The following GSTZ1 variants were observed in gnomAD, a reference collection of about 807,000 sequenced individuals.
GSTZ1 encodes the protein maleylacetoacetate isomerase.
Under a neutral mutation model 35.9 loss-of-function variants are expected in GSTZ1, and 34 were observed. That is an observed-to-expected ratio of 0.95 (90% CI 0.72 to 1.26). GSTZ1 has a LOEUF of 1.26. GSTZ1 is among the 50% of genes most tolerant of loss of function. GSTZ1 has a pLI of 0.00. For synonymous variants in GSTZ1, 93 were observed against 101.2 expected (o/e 0.92, Z 0.49); for missense variants, 263 against 271.7 (o/e 0.97, Z 0.23).
rs1892499372 is a variant in GSTZ1 at position 77,329,418 on chromosome 14, A to G, written c.421+217A>G. The G allele has an allele frequency of 8.3e-6, 5 of 601,024 alleles. No homozygotes were observed. In the Admixed American group the frequency reaches 1.2e-4, roughly 14 times the overall value. 37.2% of individuals were successfully genotyped at this position (601,024 alleles called of 1,614,324 possible). On this transcript the variant is annotated intron_variant, in intron 6 of 8. Transcript: ENST00000216465. ...TCGGTCCCTGAGCCCACAGCCCTTC[A>G]TAGCTGGATGGCCCAACTTCAGCTT... is the stretch of plus-strand genomic sequence containing the variant.
At chr14:77,324,234 T>G in intron 1 of GSTZ1, 1 of 227,734 alleles carries the variant, frequency 4.4e-6, no homozygotes, top group South Asian at 6.7e-5. Flanking sequence ...CCTCCACCTC[T>G]CAGGTTCAAG....
intron 1 of GSTZ1, chr14:77,322,729 A>G (rs1209843302): frequency 1.0e-5 from 10 of 985,242 alleles, no homozygotes; most frequent in Non-Finnish European, 1.2e-5. Context: ...TTTCTCCACA[A>G]AAGGTACCTT....
At chr14:77,326,571 A>C in intron 2 of GSTZ1, 1 of 434,966 alleles carries the variant, frequency 2.3e-6, no homozygotes. Flanking sequence ...TCCAGGGGGC[A>C]TGAGGGCCCC....
intron 8 of GSTZ1, among the ~76,000 whole-genome samples, chr14:77,330,703 G>A (rs777296768): frequency 1.3e-5 from 2 of 152,114 alleles, no homozygotes; most frequent in Non-Finnish European, 2.9e-5. Context: ...GAACCCTTTG[G>A]TAGGGCACAA....
Position 77,329,775 on chromosome 14 carries a change from A to T in GSTZ1, c.442A>T (p.Ser148Cys). 6.2e-7 allele frequency: 1 copy of T among 1,613,794 alleles called. No homozygotes were observed. Among genetic ancestry groups the T allele is most frequent in the Non-Finnish European group, 8.5e-7 (1 of 1,179,724 alleles). ...GFNALEQILQ[S>C]TAGIYCVGDE... ...CACAGCCCTGGAGCAGATCCTACAG[A>T]GCACAGCGGGCATATACTGTGTAGG... is the stretch of plus-strand genomic sequence containing the variant. The change falls in exon 7 of 9, where the codon AGC becomes TGC. Residue 148 changes from serine to cysteine, a missense_variant. By Grantham distance (112) the Ser-to-Cys change is moderately radical (BLOSUM62 -1). Transcript: ENST00000216465.
In GSTZ1 at chr14:77,329,750, C is replaced by T. The variant is rs1273639834; in HGVS notation, c.422-5C>T. 11 of 1,612,762 alleles carry T rather than the reference C, an allele frequency of 6.8e-6. No individual in the cohort carries two copies. The highest frequency in any genetic ancestry group is 1.3e-5 in the African/African-American group (1 of 74,894). On this transcript the variant is annotated splice_polypyrimidine_tract_variant and splice_region_variant and intron_variant, in intron 6 of 8. Coordinates refer to ENST00000216465, the MANE Select transcript of GSTZ1 (RefSeq NM_145870.3). Reference sequence around the variant, plus strand: ...GAATAAGATGTTTATGTGGCCTCCCCACAGCCCTGGAGCAGATCCTACAGA... The same window carrying T: ...GAATAAGATGTTTATGTGGCCTCCCTACAGCCCTGGAGCAGATCCTACAGA...
At chr14:77,321,827 G>C (rs1256778203) in intron 1 of GSTZ1, among the ~76,000 whole-genome samples, 1 of 151,472 alleles carries the variant, frequency 6.6e-6, no homozygotes, top group African/African-American at 2.4e-5. Flanking sequence ...AGCTTGCAGT[G>C]AGCCGAGATC....
In GSTZ1 at chr14:77,321,379, A is replaced by G. The variant is rs1229872441; in HGVS notation, c.15+196A>G. On this transcript the variant is annotated intron_variant, in intron 1 of 8. Coordinates refer to ENST00000216465, the MANE Select transcript of GSTZ1 (RefSeq NM_145870.3). ...CTCGAAGTTCCGGGAGGGTTGGGCC[A>G]GAGGAGGCGGTCCTGGTAGGGAGTG... The G allele has an allele frequency of 3.3e-6, 5 of 1,530,340 alleles. No individual in the cohort carries two copies. The African/African-American group carries it at 5.5e-5, about 17-fold the overall frequency. 94.8% of individuals were successfully genotyped at this position (1,530,340 alleles called of 1,614,324 possible).
intron 3 of GSTZ1, chr14:77,327,117 C>G (rs1262753090): frequency 6.7e-6 from 4 of 599,800 alleles, no homozygotes; most frequent in Non-Finnish European, 1.2e-5. Context: ...GACTGTGTAC[C>G]CTAGCCTGGG....
intron 1 of GSTZ1, chr14:77,321,421 C>T (rs1436297189): frequency 1.3e-6 from 2 of 1,527,038 alleles, no homozygotes; most frequent in Admixed American, 2.0e-5. Context: ...AGGGTGGAGT[C>T]GCTGTCCGGT....
At chr14:77,322,049 G>C (rs1172431935) in intron 1 of GSTZ1, among the ~76,000 whole-genome samples, 1 of 152,150 alleles carries the variant, frequency 6.6e-6, no homozygotes, top group Non-Finnish European at 1.5e-5. Flanking sequence ...GGTCTAGATG[G>C]TTCTTAACGT....
In GSTZ1 at chr14:77,331,158, G is replaced by T; in HGVS notation, c.614G>T (p.Cys205Phe). Reference sequence around the variant, plus strand: ...GAGGCCTTCCAGGTGTCTCACCCCTGCCGGCAGCCAGATACACCCACTGAG... The same window carrying T: ...GAGGCCTTCCAGGTGTCTCACCCCTTCCGGCAGCCAGATACACCCACTGAG... ...VLEAFQVSHP[C>F]RQPDTPTELR... is the part of the protein sequence containing the mutation. The change falls in exon 9 of 9, where the codon TGC becomes TTC. Residue 205 changes from cysteine (C) to phenylalanine (F), a missense_variant. By Grantham distance (205) the Cys-to-Phe change is radical. Coordinates refer to ENST00000216465, the MANE Select transcript of GSTZ1 (RefSeq NM_145870.3). The T allele has an allele frequency of 6.2e-7, 1 of 1,614,086 alleles. No homozygotes were observed. Among genetic ancestry groups the T allele is most frequent in the Non-Finnish European group, 8.5e-7 (1 of 1,179,998 alleles).
chr14:77,325,572 G>T (rs1892276072), intron 2 of GSTZ1: 1 of 152,394 alleles, frequency 6.6e-6, no homozygotes, highest in South Asian at 2.1e-4. Context: ...TCAGTAACTT[G>T]CCCAAGATCT....
rs765322860 is a variant in GSTZ1 at position 77,329,791 on chromosome 14, A to G, written c.458A>G (p.Tyr153Cys). 4 of 1,613,584 alleles carry G rather than the reference A, an allele frequency of 2.5e-6. No homozygotes were observed. Among genetic ancestry groups the G allele is most frequent in the Non-Finnish European group, 3.4e-6 (4 of 1,179,542 alleles). The change falls in exon 7 of 9, where the codon TAC becomes TGC. Residue 153 changes from tyrosine to cysteine, a missense_variant. Tyr to Cys is a radical substitution (Grantham distance 194, BLOSUM62 -2). Coordinates refer to ENST00000216465, the MANE Select transcript of GSTZ1 (RefSeq NM_145870.3). The part of the protein sequence containing the change: ...EQILQSTAGI[Y>C]CVGDEVTMAD... Reference sequence around the variant, plus strand: ...ATCCTACAGAGCACAGCGGGCATATACTGTGTAGGAGACGAGGTAAGCTGT... The same window carrying G: ...ATCCTACAGAGCACAGCGGGCATATGCTGTGTAGGAGACGAGGTAAGCTGT...
Position 77,331,153 on chromosome 14 carries a change from C to T in GSTZ1, c.609C>T (p.His203=), listed in dbSNP as rs373514679. The T allele has an allele frequency of 3.3e-5, 53 of 1,613,990 alleles. No homozygotes were observed. Among genetic ancestry groups the T allele is most frequent in the Non-Finnish European group, 4.4e-5 (52 of 1,179,998 alleles). Residue 203 remains histidine (H), a synonymous_variant, in exon 9 of 9, where the codon CAC becomes CAT. Coordinates refer to ENST00000216465, the MANE Select transcript of GSTZ1 (RefSeq NM_145870.3). Reference sequence around the variant, plus strand: ...TCTTGGAGGCCTTCCAGGTGTCTCACCCCTGCCGGCAGCCAGATACACCCA... The same window carrying T: ...TCTTGGAGGCCTTCCAGGTGTCTCATCCCTGCCGGCAGCCAGATACACCCA... ...LLVLEAFQVS[H]PCRQPDTPTE...
At chr14:77,322,712 TCTTTA>T in intron 1 of GSTZ1, 1 of 985,460 alleles carries the variant, frequency 1.0e-6, no homozygotes, top group Non-Finnish European at 1.2e-6. Context: ...GCCAGGACCA[TCTTTA>T]CTTTCTCCAC....
chr14:77,328,204 A>C, intron 5 of GSTZ1, 167 bp downstream of exon 5: 6 of 694,224 alleles, frequency 8.6e-6, no homozygotes, highest in Non-Finnish European at 1.2e-5. Context: ...TCGCAATCTC[A>C]GAATTCAGCC....
rs1892558177 is a variant in GSTZ1, at chr14:77,330,348, A to G, written c.513A>G (p.Ala171=). The change falls in exon 8 of 9, where the codon GCA becomes GCG. Residue 171 remains alanine (A), a synonymous_variant. Coordinates refer to ENST00000216465, the MANE Select transcript of GSTZ1 (RefSeq NM_145870.3). Reference sequence around the variant, plus strand: ...ATCTGTGCTTGGTGCCTCAGGTGGCAAATGCTGAAAGGTAAGAGAGAGCCC... The same window carrying G: ...ATCTGTGCTTGGTGCCTCAGGTGGCGAATGCTGAAAGGTAAGAGAGAGCCC... ...MADLCLVPQV[A]NAERFKVDLT... The G allele has an allele frequency of 1.9e-6, 3 of 1,613,358 alleles. No homozygotes were observed. The highest frequency in any genetic ancestry group is 2.5e-6 in the Non-Finnish European group (3 of 1,179,420).
chr14:77,330,136 G>C lies in GSTZ1; in HGVS notation c.475-174G>C, dbSNP rs543724964. The stretch of plus-strand genomic sequence containing the variant: ...GAGCATGGCCTGGGAGGGCACTTCA[G>C]CTCCGGGGGACAGACTCATGCAGGC... On this transcript the variant is annotated intron_variant, in intron 7 of 8. Transcript: ENST00000216465. 10 of 746,758 alleles carry C rather than the reference G, an allele frequency of 1.3e-5. No homozygotes were observed. In the African/African-American group the frequency reaches 1.5e-4, roughly 11 times the overall value. The allele number at this position is 746,758 out of a possible 1,614,324, so 46.3% of individuals were successfully genotyped here.
Sources: gnomAD v4.1 joint callset for allele counts (sites outside exome capture counted in the v4.1 genomes callset) on GRCh38, gnomAD v4.1.1 for gene constraint, MANE v1.5 for transcripts, NCBI Gene and HGNC (gene_info 2026-07-23, HGNC 2026-07-21) for gene names.